The following HECW2 variants were observed in gnomAD, a reference collection of about 807,000 sequenced individuals.
HECW2 encodes E3 ubiquitin-protein ligase HECW2.
HECW2 carries 61 observed loss-of-function variants against 175.2 expected under a neutral mutation model. That is an observed-to-expected ratio of 0.35 (90% CI 0.28 to 0.43). The LOEUF (loss-of-function observed/expected upper bound fraction) is 0.43, where lower values mean the gene tolerates loss of function less well. Ranked by LOEUF, HECW2 falls within the 20% of genes least tolerant of loss-of-function variation. The pLI, the probability that HECW2 is intolerant of heterozygous loss-of-function variation, is 1.00. For synonymous variants in HECW2, 671 were observed against 731.0 expected (o/e 0.92, Z 1.32); for missense variants, 1,524 against 2,000.5 (o/e 0.76, Z 4.54).
chr2:196,363,334 TG>T (rs1179065329), intron 2 of HECW2, among the ~76,000 whole-genome samples: 1 of 151,994 alleles, frequency 6.6e-6, no homozygotes, highest in East Asian at 1.9e-4. Context: ...ATTAGGCCCA[TG>T]TTACAGATGA....
intron 10 of HECW2, among the ~76,000 whole-genome samples, chr2:196,309,054 G>A (rs11894488): frequency 0.059 from 8,957 of 152,212 alleles, 471 homozygotes; most frequent in African/African-American, 0.13. Context: ...AACTGTCCAT[G>A]TGATCACATG....
chr2:196,208,747 A>T (rs116838797), intron 28 of HECW2, among the ~76,000 whole-genome samples: 27 of 152,334 alleles, frequency 1.8e-4, no homozygotes, highest in African/African-American at 6.5e-4. Context: ...TTTGAGGAAT[A>T]CACAGAAGGA....
chr2:196,340,223 C>T (rs1185989111), intron 3 of HECW2, among the ~76,000 whole-genome samples: 3 of 152,184 alleles, frequency 2.0e-5, no homozygotes, highest in Non-Finnish European at 4.4e-5. Flanking sequence ...AAAAAAGTTC[C>T]ATGCAATCAG....
rs1686828140 is a variant in HECW2, at chr2:196,200,716, T to G, written c.*561A>C. Reference sequence around the variant, plus strand: ...TGCAAATCTGTAAAGGTACCTCATATTGACTTGGTTTCATTTTCACTCATG... The same window carrying G: ...TGCAAATCTGTAAAGGTACCTCATAGTGACTTGGTTTCATTTTCACTCATG... On this transcript the variant is annotated 3_prime_UTR_variant, in exon 29 of 29. Transcript: ENST00000644978. The G allele has an allele frequency of 6.5e-6, 1 of 152,906 alleles. No individual in the cohort carries two copies. The highest frequency in any genetic ancestry group is 2.1e-4 in the South Asian group (1 of 4,858). The allele number at this position is 152,906 out of a possible 1,614,324, so 9.5% of individuals were successfully genotyped here.
In HECW2 at chr2:196,293,345, T is replaced by G. The variant is rs541754660; in HGVS notation, c.2815-595A>C. ...AAGGACATTATCTCATTCCTTTTCG[T>G]GGCTGCATAGCATTCCATGGTATAT... On this transcript the variant is annotated intron_variant, in intron 13 of 28. Coordinates refer to ENST00000644978, the MANE Select transcript of HECW2 (RefSeq NM_001348768.2). Among the ~76,000 whole-genome samples, 6 of 152,354 alleles carry G rather than the reference T, an allele frequency of 3.9e-5. No individual in the cohort carries two copies. In the South Asian group the frequency reaches 8.3e-4, roughly 21 times the overall value.
intron 2 of HECW2, among the ~76,000 whole-genome samples, chr2:196,397,496 C>T (rs1000628722): frequency 2.6e-5 from 4 of 152,114 alleles, no homozygotes; most frequent in Non-Finnish European, 4.4e-5. Flanking sequence ...GTGAAGGCAG[C>T]GGAGGGCAAG....
chr2:196,257,976 C>A (rs1264699453), intron 17 of HECW2, 70 bp from the exon 18 acceptor site: 2 of 1,093,896 alleles, frequency 1.8e-6, no homozygotes, highest in Non-Finnish European at 1.4e-6. Context: ...TAGTAAAGAG[C>A]ATTTTTTATA....
At chr2:196,375,739 A>G (rs1230639941) in intron 2 of HECW2, among the ~76,000 whole-genome samples, 2 of 152,264 alleles carry the variant, frequency 1.3e-5, no homozygotes, top group Non-Finnish European at 2.9e-5. Flanking sequence ...GTCTACAGAG[A>G]AACATCATCT....
intron 1 of HECW2, among the ~76,000 whole-genome samples, chr2:196,557,395 CAA>C (rs769376664): frequency 1.3e-4 from 16 of 120,926 alleles, no homozygotes; most frequent in African/African-American, 1.2e-4. Context: ...AACTCCACCT[CAA>C]AAAAAAAAAA....
chr2:196,517,305 C>A (rs1164020011), intron 1 of HECW2, among the ~76,000 whole-genome samples: 1 of 152,206 alleles, frequency 6.6e-6, no homozygotes, highest in African/African-American at 2.4e-5. Flanking sequence ...TAACTAACCA[C>A]ATTCTAAGGA....
chr2:196,264,530 T>C (rs928903356), intron 17 of HECW2, among the ~76,000 whole-genome samples: 4 of 152,322 alleles, frequency 2.6e-5, no homozygotes, highest in Admixed American at 2.6e-4. Flanking sequence ...CATGTATAAT[T>C]TGGGGAATCT....
At chr2:196,308,917 C>T (rs1251431286) in intron 10 of HECW2, among the ~76,000 whole-genome samples, 1 of 152,194 alleles carries the variant, frequency 6.6e-6, no homozygotes, top group Non-Finnish European at 1.5e-5. Flanking sequence ...GTAATTTGCA[C>T]AGGAAACATG....
rs780489875 is a variant in HECW2 at position 196,271,213 on chromosome 2, A to G, written c.3315T>C (p.Leu1105=). ...GTTACCTGAGTGAGTGATTCCTGGT[A>G]AGATCAGGTTGACGCTCCTGTAGAA... ...FEILQERQPD[L]TRNHSLREKI... The change falls in exon 17 of 29, where the codon CTT becomes CTC. Residue 1105 remains leucine, a synonymous_variant. Transcript: ENST00000644978. 1.2e-6 allele frequency: 2 copies of G among 1,603,678 alleles called. No individual in the cohort carries two copies. The highest frequency in any genetic ancestry group is 1.7e-6 in the Non-Finnish European group (2 of 1,170,476).
intron 3 of HECW2, 140 bp from the exon 4 acceptor site, chr2:196,334,658 C>A: frequency 1.5e-6 from 1 of 645,958 alleles, no homozygotes; most frequent in Non-Finnish European, 2.8e-6. Context: ...TCAGCGCCAA[C>A]AAATTACATC....
intron 1 of HECW2, among the ~76,000 whole-genome samples, chr2:196,506,009 C>T (rs774538054): frequency 6.6e-6 from 1 of 152,016 alleles, no homozygotes; most frequent in Non-Finnish European, 1.5e-5. Context: ...AGGGGTATCT[C>T]TCAATAAGGC....
chr2:196,531,670 AAC>A (rs199801731), intron 1 of HECW2, among the ~76,000 whole-genome samples: 5,379 of 148,836 alleles, frequency 0.036, 303 homozygotes, highest in African/African-American at 0.11. Flanking sequence ...TCAAAAAAAA[AAC>A]AAAAAAAAAA....
At position 196,307,180 on chromosome 2, in the gene HECW2, T is replaced by A. The variant is rs753230423; in HGVS notation, c.2639A>T (p.Asn880Ile). The A allele has an allele frequency of 2.2e-5, 35 of 1,614,076 alleles. No homozygotes were observed. In the Admixed American group the frequency reaches 5.2e-4, roughly 24 times the overall value. The change falls in exon 12 of 29, where the codon AAT (asparagine) becomes ATT (isoleucine). Residue 880 changes from asparagine (N) to isoleucine (I), a missense_variant. By Grantham distance (149) the Asn-to-Ile change is moderately radical. Coordinates refer to ENST00000644978, the MANE Select transcript of HECW2 (RefSeq NM_001348768.2). ...TTCCTCCCCTGCCCCATCAATAGCA[T>A]TGGTATTTTCCTCAGGCCTCTCATT... is the stretch of plus-strand genomic sequence containing the variant. ...MTNERPEENT[N>I]AIDGAGEEAD...
intron 2 of HECW2, among the ~76,000 whole-genome samples, chr2:196,378,226 C>T (rs1270187216): frequency 6.6e-6 from 1 of 152,096 alleles, no homozygotes; most frequent in African/African-American, 2.4e-5. Context: ...ATTCCCATTG[C>T]CTAGGGCTGA....
At chr2:196,392,170 C>T (rs1694531412) in intron 2 of HECW2, among the ~76,000 whole-genome samples, 1 of 152,138 alleles carries the variant, frequency 6.6e-6, no homozygotes, top group East Asian at 1.9e-4. Context: ...ATCCCTTTAT[C>T]TGTAAAATAA....
Sources: allele counts gnomAD v4.1 joint callset (sites outside exome capture counted in the v4.1 genomes callset), GRCh38; gene constraint gnomAD v4.1.1; transcripts MANE v1.5; gene names NCBI Gene and HGNC (gene_info 2026-07-23, HGNC 2026-07-21).